Variants in PCDHGA1 observed in about 807,000 individuals in gnomAD.
The protein encoded by PCDHGA1 is protocadherin gamma-A1.
A neutral mutation model predicts 58.0 loss-of-function variants in PCDHGA1; 32 were observed. The ratio of observed to expected loss-of-function variants is 0.55; its 90% confidence interval spans 0.42 to 0.74. The LOEUF (loss-of-function observed/expected upper bound fraction) is 0.74, where lower values mean the gene tolerates loss of function less well. Ranked by LOEUF, PCDHGA1 falls within the 30% of genes least tolerant of loss-of-function variation. PCDHGA1 has a pLI of 0.00. For missense variants in PCDHGA1, 1,205 were observed against 1,182.3 expected (o/e 1.02, Z -0.28); for synonymous variants, 498 against 501.1 (o/e 0.99, Z 0.08).
intron 1 of PCDHGA1, chr5:141,433,358 C>CCCAT (rs1554125967): frequency 7.1e-5 from 36 of 503,934 alleles, no homozygotes; most frequent in African/African-American, 1.2e-4. Flanking sequence ...CTACTGTCTG[C>CCCAT]CTATCTATCT....
chr5:141,357,514 C>A (rs563793307), intron 1 of PCDHGA1: 1 of 1,614,254 alleles, frequency 6.2e-7, no homozygotes, highest in South Asian at 1.1e-5. Flanking sequence ...GATCTTCTCC[C>A]AACCCAGCTA....
chr5:141,409,844 C>G (rs1380163040), intron 1 of PCDHGA1: 3 of 1,611,858 alleles, frequency 1.9e-6, no homozygotes, highest in East Asian at 4.5e-5. Flanking sequence ...CAACGTGAGC[C>G]TGCGCGTGTT....
chr5:141,369,443 G>T (rs1052997530), intron 1 of PCDHGA1, among the ~76,000 whole-genome samples: 1 of 152,056 alleles, frequency 6.6e-6, no homozygotes, highest in Non-Finnish European at 1.5e-5. Context: ...GAGGTGGGAG[G>T]ATTGCTTAAA....
intron 1 of PCDHGA1, among the ~76,000 whole-genome samples, chr5:141,463,346 C>G (rs963070531): frequency 6.7e-6 from 1 of 150,312 alleles, no homozygotes; most frequent in Non-Finnish European, 1.5e-5. Context: ...TGGTGTTATT[C>G]TTGGATTTCC....
At position 141,431,262 on chromosome 5, in the gene PCDHGA1, A is replaced by G. The variant is rs371663018; in HGVS notation, c.2422-63545A>G. The stretch of plus-strand genomic sequence containing the variant: ...CCGGATATCGGGAAGAACTCTCTGC[A>G]GAGCTACGAGCTCAGCCCGAACACT... On this transcript the variant is annotated intron_variant, in intron 1 of 3. Coordinates refer to ENST00000517417, the MANE Select transcript of PCDHGA1 (RefSeq NM_018912.3). The surrounding 1 kb of genome is among the most constrained non-coding windows in gnomAD (Gnocchi z 4.8). The G allele has an allele frequency of 2.6e-5, 42 of 1,614,184 alleles. No homozygotes were observed. In the African/African-American group the frequency reaches 2.7e-4, roughly 10 times the overall value.
At chr5:141,505,576 T>C in intron 3 of PCDHGA1, 95 bp downstream of exon 3, 5 of 1,590,334 alleles carry the variant, frequency 3.1e-6, no homozygotes, top group Admixed American at 1.7e-5. Context: ...ATGTCAAACC[T>C]GTGTAGTTTC....
In PCDHGA1 at chr5:141,357,295, G is replaced by A. The variant is rs774772455; in HGVS notation, c.2421+24190G>A. 1.4e-5 allele frequency: 23 copies of A among 1,613,810 alleles called. No individual in the cohort carries two copies. In the African/African-American group the frequency reaches 2.5e-4, roughly 18 times the overall value. ...ACTCTATCTCGTGGTGGCAGTGGCC[G>A]CTGTCTCCTGCGTCTTCCTGGCTTT... On this transcript the variant is annotated intron_variant, in intron 1 of 3. Transcript: ENST00000517417.
intron 1 of PCDHGA1, among the ~76,000 whole-genome samples, chr5:141,452,388 A>G (rs892688242): frequency 3.9e-5 from 6 of 152,210 alleles, no homozygotes; most frequent in Non-Finnish European, 5.9e-5. Flanking sequence ...TAGTATTTAG[A>G]AACTAAGATC....
At chr5:141,401,614 G>T (rs1242268897) in intron 1 of PCDHGA1, among the ~76,000 whole-genome samples, 1 of 152,188 alleles carries the variant, frequency 6.6e-6, no homozygotes, top group Non-Finnish European at 1.5e-5. Context: ...AAAGACACCG[G>T]ATTTGTCTTA....
intron 1 of PCDHGA1, chr5:141,422,368 G>A: frequency 1.9e-6 from 3 of 1,565,294 alleles, no homozygotes; most frequent in Non-Finnish European, 2.6e-6. Context: ...TGGAGAAAAT[G>A]GTCAAGTCTC....
rs200117787 is a variant in PCDHGA1, at chr5:141,477,443, G to T, written c.2422-17364G>T. ...CCCTTCCCTCTCAGCCCTTACAATA[G>T]TGCGTGTTCAAGTGTCCGACATCAA... On this transcript the variant is annotated intron_variant, in intron 1 of 3. Coordinates refer to ENST00000517417, the MANE Select transcript of PCDHGA1 (RefSeq NM_018912.3). This position sits in a 1 kb window ranked among gnomAD's most constrained non-coding sequence, Gnocchi z 4.9. The T allele has an allele frequency of 1.7e-5, 28 of 1,614,136 alleles. No homozygotes were observed. In the East Asian group the frequency reaches 6.2e-4, roughly 36 times the overall value.
chr5:141,330,668 T>C lies in PCDHGA1; in HGVS notation c.-17T>C, dbSNP rs1364037845. 15 of 1,587,744 alleles carry C rather than the reference T, an allele frequency of 9.4e-6. No homozygotes were observed. Among genetic ancestry groups the C allele is most frequent in the Non-Finnish European group, 1.3e-5 (15 of 1,165,298 alleles). On this transcript the variant is annotated 5_prime_UTR_variant, in exon 1 of 4. Transcript: ENST00000517417. ...CCTTGGTACTGGACTGGAAGAAAACTACGAAGTGAGAGAGCCATGAAGATT... is the reference window on the plus strand; with the variant it reads ...CCTTGGTACTGGACTGGAAGAAAACCACGAAGTGAGAGAGCCATGAAGATT...
rs2093099818 is a variant in PCDHGA1 at position 141,394,799 on chromosome 5, A to T, written c.2421+61694A>T. On this transcript the variant is annotated intron_variant, in intron 1 of 3. Transcript: ENST00000517417. The stretch of plus-strand genomic sequence containing the variant: ...TCTCCGCCACTGTCACGCTCACCGT[A>T]GCCGTGGCTGACAGCATCCCCGAAG... 3 of 1,613,690 alleles carry T rather than the reference A, an allele frequency of 1.9e-6. No individual in the cohort carries two copies. The Admixed American group carries it at 5.0e-5, about 27-fold the overall frequency.
chr5:141,370,870 A>G (rs778903328), intron 1 of PCDHGA1: 1 of 1,614,030 alleles, frequency 6.2e-7, no homozygotes, highest in African/African-American at 1.3e-5. Flanking sequence ...TCTGCGCAAG[A>G]TCCTGATGTA....
intron 1 of PCDHGA1, among the ~76,000 whole-genome samples, chr5:141,469,108 C>A (rs923728484): frequency 4.0e-5 from 6 of 151,768 alleles, no homozygotes; most frequent in Non-Finnish European, 5.9e-5. Context: ...AAGAACCTGT[C>A]TCTAAAAAAA....
intron 1 of PCDHGA1, among the ~76,000 whole-genome samples, chr5:141,445,668 G>C (rs899062385): frequency 6.6e-6 from 1 of 152,156 alleles, no homozygotes; most frequent in Non-Finnish European, 1.5e-5. Flanking sequence ...ATGAGTAGAA[G>C]TTATCTAGGT....
At chr5:141,345,612 G>A (rs770695271) in intron 1 of PCDHGA1, 4 of 1,614,054 alleles carry the variant, frequency 2.5e-6, no homozygotes, top group Non-Finnish European at 3.4e-6. Context: ...GCAATTTAGA[G>A]ACTTAAAGCT....
At chr5:141,483,917 T>A (rs565465724) in intron 1 of PCDHGA1, among the ~76,000 whole-genome samples, 2 of 151,262 alleles carry the variant, frequency 1.3e-5, no homozygotes, top group South Asian at 4.2e-4. Context: ...CCCACTCAGA[T>A]TGCAGGTCGT....
intron 1 of PCDHGA1, chr5:141,419,989 T>C (rs778087109): frequency 4.1e-5 from 66 of 1,613,962 alleles, no homozygotes; most frequent in Non-Finnish European, 5.2e-5. Context: ...TGATTCTAGC[T>C]ATTGCTCTAC....
Sources: allele counts gnomAD v4.1 joint callset (sites outside exome capture counted in the v4.1 genomes callset), GRCh38; gene constraint gnomAD v4.1.1; non-coding constraint Gnocchi (gnomAD v3.1); transcripts MANE v1.5; gene names NCBI Gene and HGNC (gene_info 2026-07-23, HGNC 2026-07-21).